SIMC1: variants seen among roughly 807,000 people sequenced by gnomAD.
SIMC1 encodes SUMO interacting motifs containing 1, also known as SUMO-interacting motif-containing protein 1.
Under a neutral mutation model 82.3 loss-of-function variants are expected in SIMC1, and 55 were observed. That is an observed-to-expected ratio of 0.67 (90% CI 0.54 to 0.84). SIMC1 has a LOEUF of 0.84. Among genes scored for constraint, SIMC1 ranks in the 40% least tolerant of loss-of-function variants. The pLI, the probability that SIMC1 is intolerant of heterozygous loss-of-function variation, is 0.00. For synonymous variants in SIMC1, 353 were observed against 426.3 expected (o/e 0.83, Z 2.12); for missense variants, 915 against 1,107.2 (o/e 0.83, Z 2.46).
At chr5:176,329,479 G>C (rs1765539050) in intron 7 of SIMC1, among the ~76,000 whole-genome samples, 1 of 135,840 alleles carries the variant, frequency 7.4e-6, no homozygotes, top group Non-Finnish European at 1.5e-5. Flanking sequence ...CTGGGCGAAA[G>C]AGCGAGACTC....
At chr5:176,288,437 A>ATAAATGAATAAATAAATAAT (rs1345466245) in intron 1 of SIMC1, among the ~76,000 whole-genome samples, 2 of 151,684 alleles carry the variant, frequency 1.3e-5, no homozygotes, top group African/African-American at 4.8e-5. Flanking sequence ...AAATAAATAA[A>ATAAATGAATAAATAAATAAT]TAAATAAATA....
intron 1 of SIMC1, among the ~76,000 whole-genome samples, chr5:176,275,467 C>T (rs1328250628): frequency 3.3e-5 from 5 of 151,724 alleles, no homozygotes; most frequent in Non-Finnish European, 7.4e-5. Context: ...CCTTTATTTC[C>T]TTCTCCTGCC....
rs1000150673 is a variant in SIMC1, at chr5:176,275,110, A to G, written c.130-14544A>G. 1.8e-4 allele frequency among the ~76,000 whole-genome samples: 28 copies of G among 151,690 alleles called. 1 individual carries two copies. The highest frequency in any genetic ancestry group is 3.8e-4 in the Non-Finnish European group (26 of 67,792). Reference sequence around the variant, plus strand: ...ATATTGATTCTTCCTACCCATGAGCATGGAATGTTCTTCCATTTGTTTGTA... The same window carrying G: ...ATATTGATTCTTCCTACCCATGAGCGTGGAATGTTCTTCCATTTGTTTGTA... On this transcript the variant is annotated intron_variant, in intron 1 of 9. Transcript: ENST00000429602.
intron 1 of SIMC1, among the ~76,000 whole-genome samples, chr5:176,245,390 G>A (rs1359040031): frequency 6.6e-6 from 1 of 152,168 alleles, no homozygotes; most frequent in Admixed American, 6.5e-5. Context: ...GAGCCTTCAA[G>A]AGAACGTGGC....
intron 4 of SIMC1, among the ~76,000 whole-genome samples, chr5:176,301,886 T>G (rs1210173728): frequency 1.3e-5 from 2 of 152,040 alleles, no homozygotes; most frequent in Non-Finnish European, 2.9e-5. Context: ...AAACTAAAAT[T>G]CAACAGCACA....
intron 1 of SIMC1, among the ~76,000 whole-genome samples, chr5:176,250,831 C>T (rs1358366162): frequency 6.6e-6 from 1 of 152,124 alleles, no homozygotes; most frequent in Non-Finnish European, 1.5e-5. Context: ...ATTCCTCCAT[C>T]CCTTTATTTT....
intron 1 of SIMC1, among the ~76,000 whole-genome samples, chr5:176,286,991 G>A (rs1453439328): frequency 6.6e-6 from 1 of 152,208 alleles, no homozygotes; most frequent in Non-Finnish European, 1.5e-5. Context: ...AGGTGCTTGA[G>A]AGGATGTGAA....
intron 9 of SIMC1, among the ~76,000 whole-genome samples, chr5:176,338,044 TA>T (rs1765981018): frequency 6.6e-6 from 1 of 152,188 alleles, no homozygotes; most frequent in African/African-American, 2.4e-5. Context: ...AGTAACTTGC[TA>T]GGGGAGAAAC....
intron 1 of SIMC1, among the ~76,000 whole-genome samples, chr5:176,284,425 TG>T (rs145298802): frequency 0.73 from 111,633 of 152,080 alleles, 41,144 homozygotes; most frequent in Middle Eastern, 0.84. Flanking sequence ...GAATGACTAC[TG>T]GGGTACATAA....
intron 1 of SIMC1, among the ~76,000 whole-genome samples, chr5:176,287,408 T>A (rs1295374793): frequency 6.6e-6 from 1 of 152,102 alleles, no homozygotes; most frequent in Non-Finnish European, 1.5e-5. Flanking sequence ...ATGTTCTCAC[T>A]CATAGGTGGG....
chr5:176,254,259 G>A (rs188615129), intron 1 of SIMC1, among the ~76,000 whole-genome samples: 3 of 152,264 alleles, frequency 2.0e-5, no homozygotes, highest in African/African-American at 2.4e-5. Context: ...CAATTACACC[G>A]TTATCCTGCC....
chr5:176,306,862 G>C (rs190078203), intron 4 of SIMC1, among the ~76,000 whole-genome samples: 2,743 of 151,256 alleles, frequency 0.018, 32 homozygotes, highest in Non-Finnish European at 0.025. Flanking sequence ...GTTGTCCCAT[G>C]ACCCTGCCAA....
At chr5:176,309,266 T>TGG (rs1764556420) in intron 4 of SIMC1, among the ~76,000 whole-genome samples, 2 of 152,298 alleles carry the variant, frequency 1.3e-5, no homozygotes, top group African/African-American at 4.8e-5. Flanking sequence ...AGCAATTCAA[T>TGG]GGAGGAAGAA....
At chr5:176,287,271 C>T (rs192789871) in intron 1 of SIMC1, among the ~76,000 whole-genome samples, 1 of 152,302 alleles carries the variant, frequency 6.6e-6, no homozygotes, top group East Asian at 1.9e-4. Flanking sequence ...AAATGTGGCA[C>T]ATATACACCA....
At chr5:176,297,385 C>G (rs1200521457) in intron 4 of SIMC1, among the ~76,000 whole-genome samples, 4 of 151,676 alleles carry the variant, frequency 2.6e-5, no homozygotes, top group Non-Finnish European at 4.4e-5. Context: ...GCCTGTAATC[C>G]CAGCTACTCG....
Position 176,304,892 on chromosome 5 carries a change from G to A in SIMC1, c.1734+8572G>A, listed in dbSNP as rs1177840174. On this transcript the variant is annotated intron_variant, in intron 4 of 9. Coordinates refer to ENST00000429602, the MANE Select transcript of SIMC1 (RefSeq NM_001308195.2). ...GCCTGGCCGAGACCCCGTCTGGGAG[G>A]TGACGAGCGTCTCTGCCCGGCCGCC... Among the ~76,000 whole-genome samples the A allele has an allele frequency of 1.1e-3, 156 of 147,432 alleles. 5 individuals carry two copies. The East Asian group carries it at 0.03, about 29-fold the overall frequency.
intron 1 of SIMC1, among the ~76,000 whole-genome samples, chr5:176,281,701 C>T (rs1219349959): frequency 1.3e-5 from 2 of 152,138 alleles, no homozygotes; most frequent in Non-Finnish European, 2.9e-5. Flanking sequence ...CACTCCAGAC[C>T]CTGTTTGCCT....
chr5:176,318,842 C>T (rs1030833889), intron 5 of SIMC1, among the ~76,000 whole-genome samples: 2 of 152,174 alleles, frequency 1.3e-5, no homozygotes, highest in African/African-American at 2.4e-5. Context: ...CGTGGTGGCT[C>T]ACGCCTGTAG....
chr5:176,251,501 G>C (rs1408473822), intron 1 of SIMC1, among the ~76,000 whole-genome samples: 1 of 152,080 alleles, frequency 6.6e-6, no homozygotes, highest in African/African-American at 2.4e-5. Flanking sequence ...GCATTTGCCT[G>C]TCTGTAAAGG....
Sources: allele counts gnomAD v4.1 joint callset (sites outside exome capture counted in the v4.1 genomes callset), GRCh38; gene constraint gnomAD v4.1.1; transcripts MANE v1.5; gene names NCBI Gene and HGNC (gene_info 2026-07-23, HGNC 2026-07-21).